Variants in DNAH11 observed in about 807,000 individuals in gnomAD.
DNAH11 encodes axonemal beta dynein heavy chain 11.
Under a neutral mutation model 526.0 loss-of-function variants are expected in DNAH11, and 442 were observed. The observed-to-expected ratio is 0.84, with a 90% CI of 0.78 to 0.91. The LOEUF (loss-of-function observed/expected upper bound fraction) is 0.91. Ranked by LOEUF, DNAH11 falls within the 40% of genes least tolerant of loss-of-function variation. The probability of loss-of-function intolerance (pLI) is 0.00; values close to 1 mark genes in which losing one functional copy is unlikely to be tolerated. For missense variants in DNAH11, 6,989 were observed against 5,448.7 expected, an observed-to-expected ratio of 1.28 and a Z score of -8.90; for synonymous variants, 2,461 against 1,935.9, an observed-to-expected ratio of 1.27 and a Z score of -7.12.
chr7:21,845,904 T>A (rs1188812103), intron 66 of DNAH11, among the ~76,000 whole-genome samples: 1 of 152,198 alleles, frequency 6.6e-6, no homozygotes, highest in Non-Finnish European at 1.5e-5. Flanking sequence ...AGATCTTTGA[T>A]TTCTTTCATC....
intron 25 of DNAH11, among the ~76,000 whole-genome samples, chr7:21,629,814 A>G (rs144171379): frequency 1.3e-5 from 2 of 151,988 alleles, no homozygotes; most frequent in African/African-American, 4.8e-5. Flanking sequence ...GTGTGTCTTT[A>G]TAGGTGAAGT....
chr7:21,779,091 C>G lies in DNAH11; in HGVS notation c.9470C>G (p.Ala3157Gly). ...AGCCGGGAAAAGACCATCGCTGATGCTGAGGAGCGAAAGGTCAGGCTAATT... is the reference window on the plus strand; with the variant it reads ...AGCCGGGAAAAGACCATCGCTGATGGTGAGGAGCGAAAGGTCAGGCTAATT... ...KVSREKTIAD[A>G]EERKVTAIQT... Residue 3157 changes from alanine (A) to glycine (G), a missense_variant, in exon 57 of 82, where the codon GCT becomes GGT. Coordinates refer to ENST00000409508, the MANE Select transcript of DNAH11 (RefSeq NM_001277115.2). 2 of 1,612,524 alleles carry G rather than the reference C, an allele frequency of 1.2e-6. No individual in the cohort carries two copies. Among genetic ancestry groups the G allele is most frequent in the Non-Finnish European group, 1.7e-6 (2 of 1,178,868 alleles).
intron 76 of DNAH11, among the ~76,000 whole-genome samples, chr7:21,889,768 C>T (rs1784265469): frequency 6.6e-6 from 1 of 152,180 alleles, no homozygotes; most frequent in Admixed American, 6.5e-5. Context: ...CAAACCTCCT[C>T]CAAAGGCAAG....
intron 68 of DNAH11, among the ~76,000 whole-genome samples, chr7:21,858,551 T>G (rs943154640): frequency 4.6e-5 from 7 of 152,188 alleles, no homozygotes; most frequent in Admixed American, 4.6e-4. Context: ...TATGAATTGT[T>G]GGTACACACA....
intron 54 of DNAH11, among the ~76,000 whole-genome samples, chr7:21,753,284 C>G (rs970902238): frequency 1.3e-5 from 2 of 152,186 alleles, no homozygotes; most frequent in Admixed American, 6.5e-5. Flanking sequence ...GCTCCTCCCC[C>G]AAACCCTAAG....
chr7:21,655,536 A>G (rs1248929719), intron 28 of DNAH11, among the ~76,000 whole-genome samples: 8 of 152,200 alleles, frequency 5.3e-5, no homozygotes, highest in African/African-American at 1.9e-4. Context: ...CTACAGGAAT[A>G]TGGTACAGAT....
At chr7:21,767,653 T>G (rs1787238768) in intron 55 of DNAH11, among the ~76,000 whole-genome samples, 2 of 152,218 alleles carry the variant, frequency 1.3e-5, no homozygotes, top group Non-Finnish European at 2.9e-5. Flanking sequence ...TTCATTTCAG[T>G]GCAAGCTGCT....
In DNAH11 at chr7:21,588,704, T is replaced by C; in HGVS notation, c.1973+68T>C. 6 of 1,554,738 alleles carry C rather than the reference T, an allele frequency of 3.9e-6. No individual in the cohort carries two copies. The South Asian group carries it at 6.7e-5, about 17-fold the overall frequency. On this transcript the variant is annotated intron_variant, in intron 11 of 81. Transcript: ENST00000409508. ...ACGGGTGACATTTTATATAAGAGAG[T>C]GAGCTGTTCATATTAGCACTTAGGA...
intron 68 of DNAH11, among the ~76,000 whole-genome samples, chr7:21,857,633 T>C (rs1041637554): frequency 2.0e-5 from 3 of 152,020 alleles, no homozygotes; most frequent in African/African-American, 7.2e-5. Flanking sequence ...GAAAAATGCA[T>C]AGATCTGTGG....
intron 74 of DNAH11, among the ~76,000 whole-genome samples, chr7:21,879,654 T>C (rs1382947498): frequency 2.0e-5 from 3 of 152,078 alleles, no homozygotes; most frequent in East Asian, 1.9e-4. Context: ...TCAAACAAGA[T>C]AGGAGTTTTT....
intron 28 of DNAH11, among the ~76,000 whole-genome samples, chr7:21,655,459 G>A (rs928300499): frequency 3.3e-5 from 5 of 152,002 alleles, no homozygotes; most frequent in South Asian, 2.1e-4. Context: ...CTTTTTCATA[G>A]TGTACACTAA....
chr7:21,901,060 C>T lies in DNAH11; in HGVS notation c.13357C>T (p.Leu4453=). 8.1e-6 allele frequency: 13 copies of T among 1,613,466 alleles called. No homozygotes were observed. In the South Asian group the frequency reaches 1.4e-4, roughly 18 times the overall value. Residue 4453 remains leucine (L), a synonymous_variant, in exon 82 of 82, where the codon CTG becomes TTG. Coordinates refer to ENST00000409508, the MANE Select transcript of DNAH11 (RefSeq NM_001277115.2). ...GTIVEARLKE[L]ACPMPVIFAK... ...CATTGTTGAAGCCCGTCTCAAGGAG[C>T]TGGCATGCCCTATGCCGGTCATCTT... is the stretch of plus-strand genomic sequence containing the variant.
chr7:21,797,267 T>C (rs1218223253), intron 61 of DNAH11, among the ~76,000 whole-genome samples: 1 of 152,180 alleles, frequency 6.6e-6, no homozygotes, highest in African/African-American at 2.4e-5. Flanking sequence ...TTGCCTAGGC[T>C]GGAGTGCAGT....
At chr7:21,662,474 T>TA (rs1250282594) in intron 30 of DNAH11, among the ~76,000 whole-genome samples, 2 of 152,166 alleles carry the variant, frequency 1.3e-5, no homozygotes, top group African/African-American at 4.8e-5. Flanking sequence ...TTCCATTATT[T>TA]AAAATTTTAA....
intron 54 of DNAH11, 26 bp from the exon 55 acceptor site, chr7:21,765,402 T>C (rs755912951): frequency 1.9e-6 from 3 of 1,613,342 alleles, no homozygotes; most frequent in Admixed American, 1.7e-5. Flanking sequence ...CCCGCCTGTT[T>C]CTGCCTTGCC....
intron 39 of DNAH11, among the ~76,000 whole-genome samples, chr7:21,706,455 G>GA (rs967627565): frequency 2.0e-5 from 3 of 151,204 alleles, no homozygotes; most frequent in South Asian, 2.1e-4. Flanking sequence ...ACAACTGTAA[G>GA]AAAAAAAATC....
intron 25 of DNAH11, among the ~76,000 whole-genome samples, chr7:21,621,563 A>G (rs937147806): frequency 1.6e-4 from 25 of 152,242 alleles, no homozygotes; most frequent in African/African-American, 5.5e-4. Context: ...CATTGATGCA[A>G]AAATCCTCAG....
At chr7:21,837,763 C>T (rs1196833713) in intron 65 of DNAH11, among the ~76,000 whole-genome samples, 1 of 152,024 alleles carries the variant, frequency 6.6e-6, no homozygotes, top group Non-Finnish European at 1.5e-5. Flanking sequence ...TTCTGGTGTT[C>T]TGTAGCACAG....
intron 55 of DNAH11, among the ~76,000 whole-genome samples, chr7:21,768,221 G>A (rs1270314968): frequency 2.0e-5 from 3 of 152,202 alleles, no homozygotes; most frequent in Non-Finnish European, 4.4e-5. Context: ...GGGAGAGAAG[G>A]AAAAGCCATC....
Sources: gnomAD v4.1 joint callset for allele counts (sites outside exome capture counted in the v4.1 genomes callset) on GRCh38, gnomAD v4.1.1 for gene constraint, MANE v1.5 for transcripts, NCBI Gene and HGNC (gene_info 2026-07-23, HGNC 2026-07-21) for gene names.